ACSS3: variants seen among roughly 807,000 people sequenced by gnomAD.
ACSS3 encodes acyl-CoA synthetase short chain family member 3, also known as acyl-CoA synthetase short-chain family member 3, mitochondrial.
Under a neutral mutation model 84.2 loss-of-function variants are expected in ACSS3, and 64 were observed. That is an observed-to-expected ratio of 0.76 (90% CI 0.62 to 0.94). The LOEUF (loss-of-function observed/expected upper bound fraction) is 0.94. Ranked by LOEUF, ACSS3 falls within the 40% of genes least tolerant of loss-of-function variation. ACSS3 has a pLI of 0.00. For synonymous variants in ACSS3, 317 were observed against 310.1 expected (o/e 1.02, Z -0.23); for missense variants, 815 against 867.6 (o/e 0.94, Z 0.76).
intron 12 of ACSS3, among the ~76,000 whole-genome samples, chr12:81,231,812 A>G (rs752064409): frequency 6.6e-6 from 1 of 151,690 alleles, no homozygotes; most frequent in Non-Finnish European, 1.5e-5. Flanking sequence ...CTTCATTAAT[A>G]AAGCACATCA....
At chr12:81,241,813 T>A (rs1452158620) in intron 13 of ACSS3, among the ~76,000 whole-genome samples, 2 of 152,170 alleles carry the variant, frequency 1.3e-5, no homozygotes, top group East Asian at 3.9e-4. Flanking sequence ...GGTAGTTTCT[T>A]TTGCTGTGCA....
rs376745497 is a variant in ACSS3 at position 81,186,847 on chromosome 12, C to T, written c.1250+11908C>T. On this transcript the variant is annotated intron_variant, in intron 8 of 15. Transcript: ENST00000548058. ...AGAACTACCATATGATCCAGCAATC[C>T]GTCTTCTGGGTATATACTCAAAGGA... 8.9e-4 allele frequency among the ~76,000 whole-genome samples: 135 copies of T among 151,828 alleles called. 1 individual carries two copies. The highest frequency in any genetic ancestry group is 2.8e-3 in the African/African-American group (117 of 41,496).
At chr12:81,174,439 A>G (rs1158984241) in intron 7 of ACSS3, 1 of 165,328 alleles carries the variant, frequency 6.0e-6, no homozygotes, top group Admixed American at 6.3e-5. Context: ...AATACATTAA[A>G]GTTCAAAATT....
intron 2 of ACSS3, among the ~76,000 whole-genome samples, chr12:81,129,554 C>T (rs1012485812): frequency 3.9e-5 from 6 of 151,920 alleles, no homozygotes; most frequent in African/African-American, 1.2e-4. Flanking sequence ...GTGATATGGC[C>T]CCAACTTAAA....
At position 81,258,242 on chromosome 12, in the gene ACSS3, G is replaced by A. The variant is rs2034397982; in HGVS notation, c.*3320G>A. The A allele has an allele frequency of 6.6e-6, 1 of 152,036 alleles. No homozygotes were observed. The highest frequency in any genetic ancestry group is 2.1e-4 in the South Asian group (1 of 4,830). 9.4% of individuals were successfully genotyped at this position (152,036 alleles called of 1,614,324 possible). A position where few individuals can be genotyped will look rare whatever the true frequency, so the allele number is the denominator to read the frequency against. On this transcript the variant is annotated 3_prime_UTR_variant, in exon 16 of 16. Transcript: ENST00000548058. The stretch of plus-strand genomic sequence containing the variant: ...TAAATTGTCGAGCCTTATGTGACTA[G>A]AAAACAAAGCTTAAACAGAGAACTG...
rs573701259 is a variant in ACSS3, at chr12:81,255,173, A to G, written c.*251A>G. 63 of 316,116 alleles carry G rather than the reference A, an allele frequency of 2.0e-4. No homozygotes were observed. The highest frequency in any genetic ancestry group is 1.2e-3 in the African/African-American group (56 of 46,398). 19.6% of individuals were successfully genotyped at this position (316,116 alleles called of 1,614,324 possible). On this transcript the variant is annotated 3_prime_UTR_variant, in exon 16 of 16. Coordinates refer to ENST00000548058, the MANE Select transcript of ACSS3 (RefSeq NM_024560.4). Reference sequence around the variant, plus strand: ...ATTGAATGTCATCTACTGCTTTAGGAAAAACGTATCTAGTGTATTATTTTT... The same window carrying G: ...ATTGAATGTCATCTACTGCTTTAGGGAAAACGTATCTAGTGTATTATTTTT...
chr12:81,213,905 C>CTTCT (rs2032766548), intron 9 of ACSS3, among the ~76,000 whole-genome samples: 1 of 13,906 alleles, frequency 7.2e-5, no homozygotes, highest in Non-Finnish European at 1.6e-4. Context: ...TTCTTTTGTC[C>CTTCT]TTCCTTCCTT....
At chr12:81,091,164 A>C (rs574453228) in intron 1 of ACSS3, among the ~76,000 whole-genome samples, 2 of 152,100 alleles carry the variant, frequency 1.3e-5, no homozygotes, top group East Asian at 3.9e-4. Context: ...ATGAGAATGA[A>C]CTGGAAAAGT....
intron 1 of ACSS3, chr12:81,094,506 A>C (rs2121356632): frequency 6.6e-6 from 1 of 152,292 alleles, no homozygotes; most frequent in Admixed American, 6.5e-5. Flanking sequence ...ATCTTAGAAT[A>C]ATTTGTAAGG....
At chr12:81,089,598 A>C (rs1457466629) in intron 1 of ACSS3, among the ~76,000 whole-genome samples, 3 of 151,966 alleles carry the variant, frequency 2.0e-5, no homozygotes, top group Non-Finnish European at 2.9e-5. Context: ...ATATATGTGC[A>C]GAGTCTGTAA....
rs1205822665 is a variant in ACSS3, at chr12:81,253,323, G to A, written c.1736G>A (p.Gly579Asp). ...TTATTACAGTCAATCCTTTCCCATG[G>A]TACCGTGGCAGACTGTGCTGTTGTT... ...GAIEESILSH[G>D]TVADCAVVGK... The change falls in exon 14 of 16, where the codon GGT (glycine) becomes GAT (aspartate). Residue 579 changes from glycine (G) to aspartate (D), a missense_variant. Physicochemically the swap from Gly to Asp is moderately conservative, Grantham distance 94. Transcript: ENST00000548058. The A allele has an allele frequency of 3.1e-6, 5 of 1,613,640 alleles. No individual in the cohort carries two copies. Among genetic ancestry groups the A allele is most frequent in the Non-Finnish European group, 4.2e-6 (5 of 1,179,816 alleles).
At chr12:81,129,063 T>A (rs147876824) in intron 2 of ACSS3, among the ~76,000 whole-genome samples, 106 of 152,312 alleles carry the variant, frequency 7.0e-4, no homozygotes, top group African/African-American at 2.5e-3. Flanking sequence ...TCTGGTGTGG[T>A]TATCAGGTTA....
intron 11 of ACSS3, among the ~76,000 whole-genome samples, chr12:81,227,280 T>TA: frequency 1.3e-5 from 2 of 151,896 alleles, no homozygotes; most frequent in East Asian, 1.9e-4. Flanking sequence ...TAATTTCATC[T>TA]AAAAAATGCC....
At chr12:81,102,385 C>G (rs560607762) in intron 1 of ACSS3, among the ~76,000 whole-genome samples, 5 of 152,118 alleles carry the variant, frequency 3.3e-5, no homozygotes, top group Non-Finnish European at 7.4e-5. Flanking sequence ...AAATTACACT[C>G]TAGGCCCAGA....
intron 1 of ACSS3, among the ~76,000 whole-genome samples, chr12:81,079,061 G>A (rs1047135819): frequency 6.6e-6 from 1 of 152,158 alleles, no homozygotes; most frequent in African/African-American, 2.4e-5. Flanking sequence ...GTGCTAAGTA[G>A]CTTGGATCAG....
chr12:81,135,038 C>G (rs1419082642), intron 3 of ACSS3, 34 bp downstream of exon 3: 7 of 1,515,566 alleles, frequency 4.6e-6, no homozygotes, highest in Non-Finnish European at 6.3e-6. Context: ...CAAGTAGTAG[C>G]TATGTATAAT....
At chr12:81,126,804 T>C (rs931322329) in intron 2 of ACSS3, among the ~76,000 whole-genome samples, 25 of 152,106 alleles carry the variant, frequency 1.6e-4, no homozygotes, top group African/African-American at 5.8e-4. Flanking sequence ...TAAATATTGA[T>C]TGAAACCCAT....
chr12:81,252,884 G>T (rs7960302), intron 13 of ACSS3, among the ~76,000 whole-genome samples: 1 of 151,898 alleles, frequency 6.6e-6, no homozygotes, highest in African/African-American at 2.4e-5. Context: ...GGGCAGCCTC[G>T]GATTCCTCTG....
chr12:81,194,733 C>G (rs2031744922), intron 8 of ACSS3, among the ~76,000 whole-genome samples: 1 of 151,784 alleles, frequency 6.6e-6, no homozygotes, highest in Non-Finnish European at 1.5e-5. Context: ...GTAATAAATA[C>G]TAAGTTTTAA....
Sources: allele counts gnomAD v4.1 joint callset (sites outside exome capture counted in the v4.1 genomes callset), GRCh38; gene constraint gnomAD v4.1.1; transcripts MANE v1.5; gene names NCBI Gene and HGNC (gene_info 2026-07-23, HGNC 2026-07-21).